SLC22A16: variants seen among roughly 807,000 people sequenced by gnomAD.
SLC22A16 encodes the protein solute carrier family 22 member 16, also known as WUGSC:RG331P03.1.
In SLC22A16, 53 loss-of-function variants were observed where a neutral mutation model predicts 52.9. The ratio of observed to expected loss-of-function variants is 1.00; its 90% CI spans 0.80 to 1.26. The LOEUF (loss-of-function observed/expected upper bound fraction) is 1.26, where lower values mean the gene tolerates loss of function less well. Among genes scored for constraint, SLC22A16 ranks in the 50% most tolerant of loss-of-function variants. SLC22A16 has a pLI of 0.00. For synonymous variants in SLC22A16, 291 were observed against 268.8 expected (o/e 1.08, Z -0.81); for missense variants, 726 against 704.0 (o/e 1.03, Z -0.35).
At chr6:110,440,325 T>A (rs549896940) in intron 4 of SLC22A16, 1 of 152,330 alleles carries the variant, frequency 6.6e-6, no homozygotes, top group East Asian at 1.9e-4. Flanking sequence ...GGAATAGATC[T>A]GAAAGGGCAC....
At chr6:110,443,639 A>G (rs1204270381) in intron 3 of SLC22A16, among the ~76,000 whole-genome samples, 2 of 152,196 alleles carry the variant, frequency 1.3e-5, no homozygotes, top group Non-Finnish European at 2.9e-5. Flanking sequence ...CGATTCCTCA[A>G]AAAACAATTA....
At chr6:110,466,567 A>G (rs1188637770) in intron 1 of SLC22A16, among the ~76,000 whole-genome samples, 5 of 152,186 alleles carry the variant, frequency 3.3e-5, no homozygotes, top group East Asian at 3.8e-4. Flanking sequence ...AATTAAAACC[A>G]CAATGAGATA....
chr6:110,456,997 A>G lies in SLC22A16; in HGVS notation c.74T>C (p.Phe25Ser). 6.5e-7 allele frequency: 1 copy of G among 1,543,676 alleles called. No individual in the cohort carries two copies. Among genetic ancestry groups the G allele is most frequent in the Non-Finnish European group, 8.7e-7 (1 of 1,147,686 alleles). ...AGAGATGTTCTGGAAGGCACATATG[A>G]AATAGAGGACTCTCTGGAATCTGCA... is the stretch of plus-strand genomic sequence containing the variant. ...HFGRFQRVLY[F>S]ICAFQNISCG... is the part of the protein sequence containing the mutation. The change falls in exon 2 of 8, where the codon TTC becomes TCC. Residue 25 changes from phenylalanine (F) to serine (S), a missense_variant. Physicochemically the swap from Phe to Ser is radical, Grantham distance 155. Transcript: ENST00000368919.
intron 4 of SLC22A16, among the ~76,000 whole-genome samples, chr6:110,441,118 C>T (rs564761156): frequency 2.6e-4 from 40 of 152,200 alleles, no homozygotes; most frequent in Middle Eastern, 6.8e-3. Context: ...AAGGACAAGA[C>T]GATATTGAAG....
At chr6:110,441,686 A>C (rs886391341) in intron 4 of SLC22A16, among the ~76,000 whole-genome samples, 1 of 152,210 alleles carries the variant, frequency 6.6e-6, no homozygotes. Flanking sequence ...ACATCACCAG[A>C]GAGTCCTTCT....
In SLC22A16 at chr6:110,431,184, A is replaced by T. The variant is rs1774485156; in HGVS notation, c.1508T>A (p.Ile503Asn). The change falls in exon 7 of 8, where the codon ATC (isoleucine) becomes AAC (asparagine). Residue 503 changes from isoleucine to asparagine, a missense_variant. Ile to Asn is a moderately radical substitution (Grantham distance 149, BLOSUM62 -3). Transcript: ENST00000368919. ...ACTGAAGCACACCTGTGGTATGAAG[A>T]TCCAAATGCTGCTGAGGTCCACAGA... is the stretch of plus-strand genomic sequence containing the variant. Reference protein sequence around the residue: ...PFSVDLSSIWIFIPQLFVGTM... With the variant: ...PFSVDLSSIWNFIPQLFVGTM... 1.2e-6 allele frequency: 2 copies of T among 1,613,888 alleles called. No homozygotes were observed. Among genetic ancestry groups the T allele is most frequent in the Non-Finnish European group, 1.7e-6 (2 of 1,179,964 alleles).
At chr6:110,472,384 T>A (rs1416984095) in intron 1 of SLC22A16, among the ~76,000 whole-genome samples, 2 of 151,886 alleles carry the variant, frequency 1.3e-5, no homozygotes, top group Non-Finnish European at 2.9e-5. Context: ...TCGCTGCCCC[T>A]CCAATCCACC....
At chr6:110,431,933 G>C (rs1056437742) in intron 6 of SLC22A16, among the ~76,000 whole-genome samples, 2 of 152,166 alleles carry the variant, frequency 1.3e-5, no homozygotes, top group Non-Finnish European at 2.9e-5. Flanking sequence ...GTCTTCTAGA[G>C]CAGGAATTTG....
intron 3 of SLC22A16, among the ~76,000 whole-genome samples, 171 bp downstream of exon 3, chr6:110,446,702 T>A (rs1418332289): frequency 6.6e-6 from 1 of 152,118 alleles, no homozygotes; most frequent in Admixed American, 6.5e-5. Flanking sequence ...CTTTAATGAG[T>A]TCCATTCTAA....
Position 110,442,770 on chromosome 6 carries a change from T to TG in SLC22A16, c.656dup (p.Ser220LysfsTer83), listed in dbSNP as rs760289920. On this transcript the variant is annotated frameshift_variant, in exon 4 of 8. Coordinates refer to ENST00000368919, the MANE Select transcript of SLC22A16 (RefSeq NM_033125.4). LOFTEE classifies it high-confidence loss of function. ...CAAACCCCACCACAAGATAGCCACT[T>TG]GCAACCTGAAAAACAAATAATAGGG... is the stretch of plus-strand genomic sequence containing the variant. 1 of 1,611,276 alleles carries TG rather than the reference T, an allele frequency of 6.2e-7. No homozygotes were observed. The highest frequency in any genetic ancestry group is 2.2e-5 in the East Asian group (1 of 44,864).
intron 2 of SLC22A16, among the ~76,000 whole-genome samples, chr6:110,451,165 A>G (rs1466598216): frequency 6.6e-6 from 1 of 152,188 alleles, no homozygotes; most frequent in Non-Finnish European, 1.5e-5. Flanking sequence ...TCATGTCCAC[A>G]TATCCTACTG....
At chr6:110,467,311 T>C (rs543740817) in intron 1 of SLC22A16, among the ~76,000 whole-genome samples, 26 of 152,328 alleles carry the variant, frequency 1.7e-4, no homozygotes, top group Admixed American at 2.6e-4. Flanking sequence ...ATGCATTTTC[T>C]AGTCCCCACT....
chr6:110,428,253 T>G (rs1227248113), intron 7 of SLC22A16, among the ~76,000 whole-genome samples: 1 of 152,180 alleles, frequency 6.6e-6, no homozygotes, highest in Admixed American at 6.5e-5. Context: ...CTGATTTTTT[T>G]TTTGACTCAT....
At chr6:110,438,889 A>G in intron 4 of SLC22A16, 42 bp from the exon 5 acceptor site, 1 of 1,608,216 alleles carries the variant, frequency 6.2e-7, no homozygotes, top group Non-Finnish European at 8.5e-7. Context: ...TAGGTACCCG[A>G]CTGCAAAAGG....
chr6:110,471,060 C>G (rs1476824621), intron 1 of SLC22A16, among the ~76,000 whole-genome samples: 1 of 152,178 alleles, frequency 6.6e-6, no homozygotes, highest in Non-Finnish European at 1.5e-5. Flanking sequence ...ATCTACCCAG[C>G]GAAATGCATA....
At chr6:110,453,043 TG>T (rs1287295587) in intron 2 of SLC22A16, among the ~76,000 whole-genome samples, 1 of 152,216 alleles carries the variant, frequency 6.6e-6, no homozygotes. Context: ...ATGAATTTTT[TG>T]TAGCTGTGTG....
chr6:110,424,995 C>A lies in SLC22A16; in HGVS notation c.1612G>T (p.Glu538Ter), dbSNP rs771811339. The change falls in exon 8 of 8, where the codon GAG becomes TAG. Residue 538 changes from glutamate (E) to a stop codon, truncating the protein, a stop_gained. Transcript: ENST00000368919. LOFTEE classifies it low-confidence loss of function (END_TRUNC). ...LGKRLATTWE[E>*]AAKLESENES... is the part of the protein sequence containing the mutation. ...TTCTCTGACTCCAGTTTTGCAGCCT[C>A]CTCCCAAGTAGTTGCTAGCCGTTTC... 1.2e-6 allele frequency: 2 copies of A among 1,614,156 alleles called. No individual in the cohort carries two copies. Among genetic ancestry groups the A allele is most frequent in the Admixed American group, 1.7e-5 (1 of 60,016 alleles).
chr6:110,442,489 T>A lies in SLC22A16; in HGVS notation c.938A>T (p.Lys313Met). The A allele has an allele frequency of 6.2e-7, 1 of 1,614,246 alleles. No homozygotes were observed. The highest frequency in any genetic ancestry group is 8.5e-7 in the Non-Finnish European group (1 of 1,180,046). Residue 313 changes from lysine (K) to methionine (M), a missense_variant, in exon 4 of 8, where the codon AAG becomes ATG. Physicochemically the swap from Lys to Met is moderately conservative, Grantham distance 95. Coordinates refer to ENST00000368919, the MANE Select transcript of SLC22A16 (RefSeq NM_033125.4). ...TTTACAGGAGCTTGCCCTGTTCCACTTGGCCATGATGTCAACTATTTTTTG... is the reference window on the plus strand; with the variant it reads ...TTTACAGGAGCTTGCCCTGTTCCACATGGCCATGATGTCAACTATTTTTTG... Reference protein sequence around the residue: ...EAQKIVDIMAKWNRASSCKLS... With the variant: ...EAQKIVDIMAMWNRASSCKLS...
chr6:110,457,245 C>T (rs1775698575), intron 1 of SLC22A16, among the ~76,000 whole-genome samples: 1 of 152,202 alleles, frequency 6.6e-6, no homozygotes, highest in South Asian at 2.1e-4. Context: ...GCAGCAAGCA[C>T]ACCCATTGCC....
Sources: allele counts gnomAD v4.1 joint callset (sites outside exome capture counted in the v4.1 genomes callset), GRCh38; gene constraint gnomAD v4.1.1; transcripts MANE v1.5; gene names NCBI Gene and HGNC (gene_info 2026-07-23, HGNC 2026-07-21).